Variants in CELF2 observed in about 807,000 individuals in gnomAD.
CELF2 encodes CUG triplet repeat RNA-binding protein 2.
CELF2 carries 8 observed loss-of-function variants against 62.6 expected under a neutral mutation model. The ratio of observed to expected loss-of-function variants is 0.13; its 90% CI spans 0.07 to 0.23. The LOEUF (loss-of-function observed/expected upper bound fraction) is 0.23. Among genes scored for constraint, CELF2 ranks in the 10% least tolerant of loss-of-function variants. The probability of loss-of-function intolerance (pLI) is 1.00; values close to 1 mark genes in which losing one functional copy is unlikely to be tolerated. For synonymous variants in CELF2, 258 were observed against 250.0 expected, an observed-to-expected ratio of 1.03 and a Z score of -0.30; for missense variants, 333 against 671.0, an observed-to-expected ratio of 0.50 and a Z score of 5.56.
intron 1 of CELF2, among the ~76,000 whole-genome samples, chr10:10,836,539 G>A (rs1339605932): frequency 1.3e-5 from 2 of 152,242 alleles, no homozygotes; most frequent in East Asian, 3.8e-4. Context: ...AATGTATGCA[G>A]GCGAATCACT....
At chr10:10,578,047 C>T in the CELF2 span, among the ~76,000 whole-genome samples, 1 of 152,330 alleles carries the variant, frequency 6.6e-6, no homozygotes, top group East Asian at 1.9e-4. Flanking sequence ...TTAATGATCG[C>T]CATTCTAACT....
intron 1 of CELF2, among the ~76,000 whole-genome samples, chr10:10,894,837 A>G (rs2062423129): frequency 6.6e-6 from 1 of 152,228 alleles, no homozygotes; most frequent in African/African-American, 2.4e-5. Context: ...CTATGATTTC[A>G]TACTCTGTTT....
chr10:10,504,270 A>T, the CELF2 span, among the ~76,000 whole-genome samples: 1 of 151,992 alleles, frequency 6.6e-6, no homozygotes, highest in Non-Finnish European at 1.5e-5. Context: ...GCATGTGACA[A>T]ATTCTCTTAG....
intron 2 of CELF2, among the ~76,000 whole-genome samples, chr10:10,975,628 G>C (rs2051239735): frequency 1.3e-5 from 2 of 152,222 alleles, no homozygotes; most frequent in Non-Finnish European, 2.9e-5. Flanking sequence ...GTAGGTGGTT[G>C]ATTAAGAGGA....
At chr10:10,577,046 G>A in the CELF2 span, among the ~76,000 whole-genome samples, 55 of 152,184 alleles carry the variant, frequency 3.6e-4, no homozygotes, top group Admixed American at 3.6e-3. Context: ...TGGGCTCAGA[G>A]CACAGCAGAG....
chr10:10,762,547 G>A, the CELF2 span, among the ~76,000 whole-genome samples: 4 of 152,142 alleles, frequency 2.6e-5, no homozygotes, highest in East Asian at 3.8e-4. Flanking sequence ...CACGTAGATC[G>A]AATTCAAACT....
the CELF2 span, among the ~76,000 whole-genome samples, chr10:10,648,431 T>C: frequency 6.6e-6 from 1 of 152,190 alleles, no homozygotes; most frequent in East Asian, 1.9e-4. Context: ...GCGTCTGGTA[T>C]CAAAAATGCT....
At chr10:10,599,975 C>T in the CELF2 span, among the ~76,000 whole-genome samples, 3 of 152,168 alleles carry the variant, frequency 2.0e-5, no homozygotes, top group East Asian at 3.9e-4. Context: ...TCCTGATCCA[C>T]CCACCTCAGC....
chr10:10,662,904 C>T, the CELF2 span, among the ~76,000 whole-genome samples: 2 of 152,156 alleles, frequency 1.3e-5, no homozygotes, highest in Admixed American at 6.5e-5. Context: ...TTCCATGACC[C>T]CCACAGCACT....
At chr10:10,769,068 A>C in the CELF2 span, among the ~76,000 whole-genome samples, 5 of 152,016 alleles carry the variant, frequency 3.3e-5, no homozygotes, top group African/African-American at 1.2e-4. Flanking sequence ...TCCTCTCTTC[A>C]TCCTTTTGAG....
At chr10:10,728,599 G>T in the CELF2 span, among the ~76,000 whole-genome samples, 1 of 152,186 alleles carries the variant, frequency 6.6e-6, no homozygotes, top group Admixed American at 6.5e-5. Context: ...TGATGATTAT[G>T]GTTACATGGT....
Position 10,957,395 on chromosome 10 carries a change from C to T in CELF2, c.89+37396C>T, listed in dbSNP as rs1040670001. ...TCTCGCTGAAGGATGATCTCAGATG[C>T]CTTCTGTTTGAATGTAAGAGGATGA... is the stretch of plus-strand genomic sequence containing the variant. On this transcript the variant is annotated intron_variant, in intron 2 of 13. Transcript: ENST00000636488. This position sits in a 1 kb window ranked among gnomAD's most constrained non-coding sequence, Gnocchi z 4.1. 6.6e-5 allele frequency among the ~76,000 whole-genome samples: 10 copies of T among 152,138 alleles called. No homozygotes were observed. Among genetic ancestry groups the T allele is most frequent in the African/African-American group, 2.2e-4 (9 of 41,422 alleles).
intron 2 of CELF2, among the ~76,000 whole-genome samples, chr10:10,980,700 G>T (rs1473184326): frequency 6.6e-6 from 1 of 152,188 alleles, no homozygotes; most frequent in African/African-American, 2.4e-5. Context: ...TTGAGAATCT[G>T]CTCAGATGTC....
chr10:10,981,985 C>A (rs982257443), intron 2 of CELF2, among the ~76,000 whole-genome samples: 1 of 137,026 alleles, frequency 7.3e-6, no homozygotes, highest in Non-Finnish European at 1.5e-5. Flanking sequence ...GATGGAGTCT[C>A]ACTCTTGTGG....
Position 11,050,677 on chromosome 10 carries a change from A to G in CELF2, c.74+32514A>G, listed in dbSNP as rs2063755737. On this transcript the variant is annotated intron_variant, in intron 1 of 12. Transcript: ENST00000633077. ...CCTGCCTTTCCATTCCAACATCACC[A>G]CTCTGTCTCCAGATGATCGTGCAGC... Among the ~76,000 whole-genome samples the G allele has an allele frequency of 2.6e-5, 4 of 151,644 alleles. No individual in the cohort carries two copies. The Middle Eastern group carries it at 0.01, about 389-fold the overall frequency.
the CELF2 span, among the ~76,000 whole-genome samples, chr10:10,465,017 G>T: frequency 1.2e-4 from 18 of 152,058 alleles, no homozygotes; most frequent in Non-Finnish European, 1.3e-4. Context: ...CATTTGGGAA[G>T]GATTTTCACC....
At chr10:10,588,515 A>G in the CELF2 span, among the ~76,000 whole-genome samples, 1 of 152,032 alleles carries the variant, frequency 6.6e-6, no homozygotes, top group Non-Finnish European at 1.5e-5. Context: ...CTCTGGTGGC[A>G]CTCTGGCTGT....
chr10:11,016,393 T>C (rs768346473), upstream of CELF2, among the ~76,000 whole-genome samples: 2 of 152,194 alleles, frequency 1.3e-5, no homozygotes, highest in African/African-American at 2.4e-5. This position sits in a 1 kb window ranked among gnomAD's most constrained non-coding sequence, Gnocchi z 5.2. Flanking sequence ...ATCTTGGAAA[T>C]AGAAGGTCAA....
chr10:10,865,943 T>G lies in CELF2; in HGVS notation c.54-54021T>G, dbSNP rs541176239. ...AATTTTGTTCTAAGTGATCAATTAT[T>G]TAGCACCATTTCCAGTGACAGTGTT... On this transcript the variant is annotated intron_variant, in intron 1 of 13. Coordinates refer to the CELF2 transcript ENST00000636488. 6.6e-5 allele frequency among the ~76,000 whole-genome samples: 10 copies of G among 152,228 alleles called. 1 individual carries two copies. The highest frequency in any genetic ancestry group is 2.4e-4 in the African/African-American group (10 of 41,542).
Sources: allele counts gnomAD v4.1 joint callset (sites outside exome capture counted in the v4.1 genomes callset), GRCh38; gene constraint gnomAD v4.1.1; non-coding constraint Gnocchi (gnomAD v3.1); transcripts MANE v1.5; gene names NCBI Gene and HGNC (gene_info 2026-07-23, HGNC 2026-07-21).